The following PEAK1 variants were observed in gnomAD, a reference collection of about 807,000 sequenced individuals.
PEAK1 encodes the protein pseudopodium enriched atypical kinase 1.
A neutral mutation model predicts 124.7 loss-of-function variants in PEAK1; 54 were observed. That is an observed-to-expected ratio of 0.43 (90% CI 0.35 to 0.54). PEAK1 has a LOEUF of 0.54. PEAK1 is among the 20% of genes least tolerant of loss of function. The pLI, the probability that PEAK1 is intolerant of heterozygous loss-of-function variation, is 0.01. For missense variants in PEAK1, 2,046 were observed against 2,134.5 expected (o/e 0.96, Z 0.82); for synonymous variants, 719 against 760.0 (o/e 0.95, Z 0.89).
At chr15:77,290,181 A>C (rs1231252831) in intron 2 of PEAK1, among the ~76,000 whole-genome samples, 1 of 152,128 alleles carries the variant, frequency 6.6e-6, no homozygotes, top group Non-Finnish European at 1.5e-5. Context: ...GCTGAAGCGC[A>C]GTCCACAATC....
intron 2 of PEAK1, among the ~76,000 whole-genome samples, chr15:77,322,164 C>T (rs1325559244): frequency 6.6e-6 from 1 of 152,068 alleles, no homozygotes; most frequent in Admixed American, 6.5e-5. Flanking sequence ...TTAATGCCCA[C>T]AAGAGAAAGC....
intron 5 of PEAK1, among the ~76,000 whole-genome samples, chr15:77,263,050 A>T (rs1213529986): frequency 6.6e-6 from 1 of 152,202 alleles, no homozygotes; most frequent in Admixed American, 6.5e-5. Flanking sequence ...GTTCTTTGAA[A>T]CCAATGAGAA....
At chr15:77,159,576 C>T (rs1312785824) in intron 7 of PEAK1, among the ~76,000 whole-genome samples, 1 of 152,050 alleles carries the variant, frequency 6.6e-6, no homozygotes, top group African/African-American at 2.4e-5. Context: ...GTTTGCTGGG[C>T]CCACTGAAAA....
intron 5 of PEAK1, 172 bp downstream of exon 5, chr15:77,283,711 T>A (rs1014860064): frequency 2.1e-5 from 4 of 186,128 alleles, no homozygotes; most frequent in African/African-American, 9.5e-5. Context: ...TCACCTACAA[T>A]TTATGAATAC....
chr15:77,107,563 T>C (rs2050768811), downstream of PEAK1: 1 of 152,234 alleles, frequency 6.6e-6, no homozygotes, highest in Non-Finnish European at 1.5e-5. Context: ...TTTCATCTAT[T>C]CTCCTCTCAT....
At chr15:77,141,169 T>A (rs921646412) in intron 8 of PEAK1, among the ~76,000 whole-genome samples, 2 of 152,118 alleles carry the variant, frequency 1.3e-5, no homozygotes, top group African/African-American at 2.4e-5. Flanking sequence ...AAAAAAACTA[T>A]TAGAATGAAT....
intron 1 of PEAK1, chr15:77,403,837 C>T (rs1236939806): frequency 2.0e-6 from 2 of 984,584 alleles, no homozygotes; most frequent in Non-Finnish European, 2.4e-6. Context: ...TATCCCTAAC[C>T]TTTATGCCCA....
At chr15:77,268,599 T>C (rs1242179009) in intron 5 of PEAK1, among the ~76,000 whole-genome samples, 1 of 152,070 alleles carries the variant, frequency 6.6e-6, no homozygotes, top group Admixed American at 6.6e-5. Flanking sequence ...TTTGAGAGAA[T>C]AATTGAGGAA....
At position 77,113,751 on chromosome 15, in the gene PEAK1, T is replaced by C. The variant is rs1466852871; in HGVS notation, c.*405A>G. ...GTAGAGACTGGTTAAGTCTGTCTAC[T>C]GCTAGTGAGAATAAATACTTGGTGC... On this transcript the variant is annotated 3_prime_UTR_variant, in exon 10 of 10. Coordinates refer to ENST00000682557, the MANE Select transcript of PEAK1 (RefSeq NM_001385026.1). 6 of 201,452 alleles carry C rather than the reference T, an allele frequency of 3.0e-5. No homozygotes were observed. Among genetic ancestry groups the C allele is most frequent in the African/African-American group, 1.2e-4 (5 of 42,928 alleles). 12.5% of individuals were successfully genotyped at this position (201,452 alleles called of 1,614,324 possible). A position where few individuals can be genotyped will look rare whatever the true frequency, so the allele number is the denominator to read the frequency against.
At chr15:77,256,551 T>C (rs1366862353) in intron 5 of PEAK1, among the ~76,000 whole-genome samples, 1 of 152,058 alleles carries the variant, frequency 6.6e-6, no homozygotes. Flanking sequence ...TGCTTATATA[T>C]GGTTTGCTAG....
Position 77,286,404 on chromosome 15 carries a change from G to A in PEAK1, c.-521+19C>T, listed in dbSNP as rs1316585888. 7.7e-6 allele frequency: 9 copies of A among 1,166,928 alleles called. No individual in the cohort carries two copies. The Admixed American group carries it at 1.7e-4, about 22-fold the overall frequency. The allele number at this position is 1,166,928 out of a possible 1,614,324, so 72.3% of individuals were successfully genotyped here. A position where few individuals can be genotyped will look rare whatever the true frequency, so the allele number is the denominator to read the frequency against. On this transcript the variant is annotated intron_variant, in intron 3 of 9. Coordinates refer to ENST00000682557, the MANE Select transcript of PEAK1 (RefSeq NM_001385026.1). ...GACCAGAATAAACATGTTACATTAT[G>A]GAAAGAAAAAGTACAAACCTGGTTT...
At position 77,133,666 on chromosome 15, in the gene PEAK1, T is replaced by C. The variant is rs1365920735; in HGVS notation, c.3416A>G (p.Lys1139Arg). The C allele has an allele frequency of 2.5e-6, 4 of 1,614,040 alleles. No individual in the cohort carries two copies. In the African/African-American group the frequency reaches 5.3e-5, roughly 22 times the overall value. Reference protein sequence around the residue: ...AVDDAIAFGGKTDQEAPNASQ... With the variant: ...AVDDAIAFGGRTDQEAPNASQ... The stretch of plus-strand genomic sequence containing the variant: ...AGCATTGGGTGCTTCTTGGTCTGTT[T>C]TCCCTCCAAAGGCGATGGCATCGTC... The change falls in exon 9 of 10, where the codon AAA (lysine) becomes AGA (arginine). Residue 1139 changes from lysine (K) to arginine (R), a missense_variant. Physicochemically the swap from Lys to Arg is conservative, Grantham distance 26. Transcript: ENST00000682557. The surrounding 1 kb of genome is among the most constrained non-coding windows in gnomAD (Gnocchi z 4.2).
chr15:77,264,912 G>C (rs1738920162), intron 5 of PEAK1, among the ~76,000 whole-genome samples: 1 of 152,050 alleles, frequency 6.6e-6, no homozygotes. Flanking sequence ...CAGAGATATA[G>C]ATCAATGGAA....
At chr15:77,349,862 G>A (rs925168026) in intron 2 of PEAK1, 7 of 985,200 alleles carry the variant, frequency 7.1e-6, no homozygotes, top group Middle Eastern at 5.2e-4. Flanking sequence ...AAGTGGAGAG[G>A]AGCCAACTGA....
intron 5 of PEAK1, among the ~76,000 whole-genome samples, chr15:77,263,619 T>C (rs2061556813): frequency 6.6e-6 from 1 of 152,004 alleles, no homozygotes; most frequent in Non-Finnish European, 1.5e-5. Context: ...ATTAATAGCT[T>C]ACTAACCAAA....
intron 1 of PEAK1, among the ~76,000 whole-genome samples, chr15:77,367,627 A>C (rs1316401748): frequency 6.6e-6 from 1 of 152,220 alleles, no homozygotes; most frequent in Non-Finnish European, 1.5e-5. Context: ...AAGAGGCTAC[A>C]AATACATACA....
rs2072865226 is a variant in PEAK1 at position 77,416,099 on chromosome 15, C to CA, written c.-666+3906dup. ...AAAAGACATCCTAATCACCAAGTCT[C>CA]AGAGACTTCATTAGGTCTTTATCTT... is the stretch of plus-strand genomic sequence containing the variant. On this transcript the variant is annotated intron_variant, in intron 1 of 9. Transcript: ENST00000682557. Among the ~76,000 whole-genome samples the CA allele has an allele frequency of 2.6e-5, 4 of 152,326 alleles. 1 individual carries two copies. In the South Asian group the frequency reaches 8.3e-4, roughly 32 times the overall value.
intron 2 of PEAK1, among the ~76,000 whole-genome samples, chr15:77,307,407 G>A (rs2064163730): frequency 6.6e-6 from 1 of 152,048 alleles, no homozygotes; most frequent in Non-Finnish European, 1.5e-5. Context: ...AAGATCTACA[G>A]AGATCTACTG....
In PEAK1 at chr15:77,256,028, G is replaced by A. The variant is rs78479005; in HGVS notation, c.-274-3502C>T. On this transcript the variant is annotated intron_variant, in intron 5 of 9. Transcript: ENST00000682557. ...TAAGAGGAAAAAAATCCAAGATCTT[G>A]TAGGTGGGGATAGCATGAAGTTAAA... Among the ~76,000 whole-genome samples, 653 of 152,274 alleles carry A rather than the reference G, an allele frequency of 4.3e-3. 1 individual carries two copies. The highest frequency in any genetic ancestry group is 0.013 in the African/African-American group (558 of 41,574).
Sources: gnomAD v4.1 joint callset for allele counts (sites outside exome capture counted in the v4.1 genomes callset) on GRCh38, gnomAD v4.1.1 for gene constraint, Gnocchi (gnomAD v3.1) non-coding constraint, MANE v1.5 for transcripts, NCBI Gene and HGNC (gene_info 2026-07-23, HGNC 2026-07-21) for gene names.